SCN7A: variants seen among roughly 807,000 people sequenced by gnomAD.
The protein encoded by SCN7A is sodium voltage-gated channel alpha subunit 7.
SCN7A carries 138 observed loss-of-function variants against 155.2 expected under a neutral mutation model. The observed-to-expected ratio is 0.89, with a 90% confidence interval of 0.77 to 1.02. The LOEUF (loss-of-function observed/expected upper bound fraction) is 1.02, where lower values mean the gene tolerates loss of function less well. SCN7A is among the 50% of genes least tolerant of loss of function. The pLI is 0.00. For synonymous variants in SCN7A, 693 were observed against 649.0 expected (o/e 1.07, Z -1.03); for missense variants, 2,058 against 1,986.6 (o/e 1.04, Z -0.68).
At chr2:166,439,057 A>G (rs11694527) in intron 15 of SCN7A, among the ~76,000 whole-genome samples, 1,751 of 59,300 alleles carry the variant, frequency 0.03, 38 homozygotes, top group African/African-American at 0.069. Context: ...GTGTGTGTGT[A>G]TATATATATA....
intron 18 of SCN7A, among the ~76,000 whole-genome samples, chr2:166,427,316 T>G (rs1470241130): frequency 1.3e-5 from 2 of 152,106 alleles, no homozygotes; most frequent in Non-Finnish European, 2.9e-5. Flanking sequence ...GAATTAAGAT[T>G]CTGAGCGCAG....
intron 25 of SCN7A, among the ~76,000 whole-genome samples, chr2:166,408,130 T>A (rs545345889): frequency 3.9e-4 from 59 of 152,170 alleles, no homozygotes; most frequent in African/African-American, 1.4e-3. Flanking sequence ...GTATCTTTCT[T>A]TCTTTCCAAT....
intron 1 of SCN7A, among the ~76,000 whole-genome samples, chr2:166,491,019 T>G (rs1030881774): frequency 1.3e-5 from 2 of 152,172 alleles, no homozygotes; most frequent in African/African-American, 4.8e-5. Context: ...GGCAAGAGCC[T>G]GTAATCAAGT....
intron 21 of SCN7A, among the ~76,000 whole-genome samples, chr2:166,413,772 G>A (rs1158468173): frequency 1.3e-5 from 2 of 150,676 alleles, no homozygotes; most frequent in Non-Finnish European, 2.9e-5. Flanking sequence ...GTGAAAAGGC[G>A]AGACTGGCCT....
At chr2:166,492,153 T>C (rs368345912) in intron 1 of SCN7A, among the ~76,000 whole-genome samples, 2 of 152,120 alleles carry the variant, frequency 1.3e-5, no homozygotes, top group East Asian at 3.9e-4. Flanking sequence ...TTTGAAGTGC[T>C]TGGCTCTGCC....
intron 2 of SCN7A, 31 bp from the exon 3 acceptor site, chr2:166,477,741 T>C (rs763270240): frequency 7.3e-6 from 10 of 1,368,922 alleles, no homozygotes; most frequent in Non-Finnish European, 9.8e-6. Flanking sequence ...AAGTTGGGTA[T>C]ACTAATAAAA....
Position 166,405,413 on chromosome 2 carries a change from G to C in SCN7A, c.*167C>G. The C allele has an allele frequency of 1.7e-6, 1 of 571,802 alleles. No individual in the cohort carries two copies. Among genetic ancestry groups the C allele is most frequent in the South Asian group, 2.5e-5 (1 of 39,414 alleles). 35.4% of individuals were successfully genotyped at this position (571,802 alleles called of 1,614,324 possible). ...TATTAAGGATTCTCTTGATTTGTTA[G>C]ATATAATGCTAAAAAGTGAATTTGG... On this transcript the variant is annotated 3_prime_UTR_variant, in exon 26 of 26. Coordinates refer to ENST00000643258, the MANE Select transcript of SCN7A (RefSeq NM_002976.4).
intron 12 of SCN7A, 74 bp downstream of exon 12, chr2:166,447,538 T>C: frequency 1.1e-6 from 1 of 921,390 alleles, no homozygotes; most frequent in South Asian, 1.7e-5. Flanking sequence ...CTGAAGAAAT[T>C]GCTGAATTTC....
intron 10 of SCN7A, among the ~76,000 whole-genome samples, chr2:166,459,269 C>T (rs188473030): frequency 6.6e-6 from 1 of 152,048 alleles, no homozygotes; most frequent in Admixed American, 6.6e-5. Context: ...AGCATATACT[C>T]TTGTTAGCAT....
At chr2:166,453,416 T>C (rs1702214298) in intron 11 of SCN7A, among the ~76,000 whole-genome samples, 1 of 152,222 alleles carries the variant, frequency 6.6e-6, no homozygotes, top group South Asian at 2.1e-4. Flanking sequence ...CGCAATAGTT[T>C]GTATAAAAGC....
intron 11 of SCN7A, among the ~76,000 whole-genome samples, chr2:166,450,828 G>T (rs952593335): frequency 6.6e-6 from 1 of 151,872 alleles, no homozygotes; most frequent in African/African-American, 2.4e-5. Flanking sequence ...GATTTTTTTT[G>T]TTTGTTTAAA....
At chr2:166,459,239 T>C (rs1258293279) in intron 10 of SCN7A, among the ~76,000 whole-genome samples, 2 of 152,170 alleles carry the variant, frequency 1.3e-5, no homozygotes, top group Non-Finnish European at 1.5e-5. Context: ...CTCCACTATA[T>C]AATGCTAGTG....
At chr2:166,460,308 T>C (rs1702374662) in intron 10 of SCN7A, among the ~76,000 whole-genome samples, 1 of 152,190 alleles carries the variant, frequency 6.6e-6, no homozygotes, top group African/African-American at 2.4e-5. Context: ...AAACCTGTAT[T>C]ATTATAGCAT....
chr2:166,407,758 T>TA (rs563543777), intron 25 of SCN7A, among the ~76,000 whole-genome samples: 121 of 151,748 alleles, frequency 8.0e-4, no homozygotes, highest in Middle Eastern at 6.8e-3. Context: ...TTATTTCTTC[T>TA]AAAAAAAACC....
intron 10 of SCN7A, 60 bp from the exon 11 acceptor site, chr2:166,457,136 C>A: frequency 7.9e-7 from 1 of 1,265,392 alleles, no homozygotes; most frequent in Non-Finnish European, 1.1e-6. Flanking sequence ...CCAGGATTCT[C>A]CTATTTTAAA....
rs1701755034 is a variant in SCN7A at position 166,432,541 on chromosome 2, A to G, written c.2369T>C (p.Ile790Thr). 2 of 1,613,472 alleles carry G rather than the reference A, an allele frequency of 1.2e-6. No individual in the cohort carries two copies. Among genetic ancestry groups the G allele is most frequent in the African/African-American group, 2.7e-5 (2 of 74,874 alleles). The change falls in exon 16 of 26, where the codon ATT becomes ACT. Residue 790 changes from isoleucine (I) to threonine (T), a missense_variant. Transcript: ENST00000643258. ...HVNEVYVKED[I>T]SDHTLSELSN... The stretch of plus-strand genomic sequence containing the variant: ...CAATTCAGAAAGGGTATGGTCAGAA[A>G]TATCTTCTTTAACATATACCTCATT...
At chr2:166,413,981 G>GTATATATATATATATATATA (rs556351441) in intron 21 of SCN7A, among the ~76,000 whole-genome samples, 1,043 of 53,292 alleles carry the variant, frequency 0.02, 86 homozygotes, top group African/African-American at 0.023. Context: ...ATGTGTATGT[G>GTATATATATATATATATATA]TATATATATA....
intron 9 of SCN7A, among the ~76,000 whole-genome samples, chr2:166,463,140 G>T (rs1702451612): frequency 6.6e-6 from 1 of 152,106 alleles, no homozygotes; most frequent in African/African-American, 2.4e-5. Context: ...TTATTTAAGG[G>T]TGAGAAAACA....
In SCN7A at chr2:166,480,457, CAA is replaced by C. The variant is rs71031251; in HGVS notation, c.-14-2749_-14-2748del. On this transcript the variant is annotated intron_variant, in intron 2 of 25. Coordinates refer to ENST00000643258, the MANE Select transcript of SCN7A (RefSeq NM_002976.4). ...TGGGTGAAAGAGCGAGACTCCGTCT[CAA>C]AAAAAAAAAACAAAAAAACAAAAAA... 5.3e-3 allele frequency among the ~76,000 whole-genome samples: 688 copies of C among 130,932 alleles called. 11 individuals carry two copies. Among genetic ancestry groups the C allele is most frequent in the Middle Eastern group, 0.035 (9 of 256 alleles). 85.9% of individuals were successfully genotyped at this position (130,932 alleles called of 152,430 possible).
Sources: gnomAD v4.1 joint callset for allele counts (sites outside exome capture counted in the v4.1 genomes callset) on GRCh38, gnomAD v4.1.1 for gene constraint, MANE v1.5 for transcripts, NCBI Gene and HGNC (gene_info 2026-07-23, HGNC 2026-07-21) for gene names.